Variants in PRKAG2 observed in about 807,000 individuals in gnomAD.
The protein encoded by PRKAG2 is 5'-AMP-activated protein kinase subunit gamma-2.
Under a neutral mutation model 69.6 loss-of-function variants are expected in PRKAG2, and 26 were observed. That is an observed-to-expected ratio of 0.37 (90% CI 0.27 to 0.52). The LOEUF is 0.52. PRKAG2 is among the 20% of genes least tolerant of loss of function. The pLI is 0.90. For synonymous variants in PRKAG2, 293 were observed against 285.0 expected, an observed-to-expected ratio of 1.03 and a Z score of -0.28; for missense variants, 557 against 740.0, an observed-to-expected ratio of 0.75 and a Z score of 2.87.
intron 15 of PRKAG2, chr7:151,559,185 A>G (rs1584904443): frequency 2.0e-6 from 2 of 980,444 alleles, no homozygotes; most frequent in East Asian, 2.3e-4. Context: ...CCCTCTGTTC[A>G]ATGTTGCCTG....
intron 14 of PRKAG2, among the ~76,000 whole-genome samples, chr7:151,562,820 A>AGGTGGGTGTGGT (rs370394516): frequency 0.36 from 53,952 of 150,628 alleles, 10,839 homozygotes; most frequent in African/African-American, 0.54. Context: ...ACAAAAAATT[A>AGGTGGGTGTGGT]GGCGGGCGCC....
At chr7:151,639,440 T>C (rs1031717880) in intron 4 of PRKAG2, among the ~76,000 whole-genome samples, 1 of 152,218 alleles carries the variant, frequency 6.6e-6, no homozygotes, top group African/African-American at 2.4e-5. Context: ...GCATTATTTC[T>C]GGGTGTGTCC....
chr7:151,675,063 G>A (rs934550129), intron 4 of PRKAG2: 3 of 356,590 alleles, frequency 8.4e-6, no homozygotes, highest in African/African-American at 2.1e-5. Flanking sequence ...TTGGGATACA[G>A]GTGCACGCCA....
chr7:151,595,286 T>C (rs749727679), intron 6 of PRKAG2, 59 bp downstream of exon 6: 22 of 1,217,568 alleles, frequency 1.8e-5, no homozygotes, highest in Non-Finnish European at 2.5e-5. Flanking sequence ...TAAATTACTG[T>C]ATAAAGTAGT....
In PRKAG2 at chr7:151,836,617, G is replaced by A. The variant is rs1348672074; in HGVS notation, c.114+39890C>T. ...GTGTGGAGGCTGGGGTAGTCTCTAG[G>A]CTGTCCCAGCTGTGCCTCTGGCCTC... On this transcript the variant is annotated intron_variant, in intron 1 of 15. Coordinates refer to ENST00000287878, the MANE Select transcript of PRKAG2 (RefSeq NM_016203.4). The surrounding 1 kb of genome is among the most constrained non-coding windows in gnomAD (Gnocchi z 4.1). 1.3e-5 allele frequency among the ~76,000 whole-genome samples: 2 copies of A among 152,172 alleles called. No homozygotes were observed. The highest frequency in any genetic ancestry group is 2.9e-5 in the Non-Finnish European group (2 of 68,028).
At chr7:151,782,054 C>T (rs1257640320) in intron 2 of PRKAG2, among the ~76,000 whole-genome samples, 1 of 151,910 alleles carries the variant, frequency 6.6e-6, no homozygotes, top group Non-Finnish European at 1.5e-5. Flanking sequence ...GGTGGATCAA[C>T]TGAGGTCAGG....
intron 3 of PRKAG2, among the ~76,000 whole-genome samples, chr7:151,705,816 T>C (rs66497154): frequency 0.23 from 34,822 of 152,012 alleles, 4,284 homozygotes; most frequent in Non-Finnish European, 0.28. Context: ...TGGCACTTCC[T>C]TGTAGAAATC....
intron 5 of PRKAG2, among the ~76,000 whole-genome samples, chr7:151,605,048 G>C (rs1056476330): frequency 6.6e-6 from 1 of 152,068 alleles, no homozygotes; most frequent in Non-Finnish European, 1.5e-5. Context: ...ACAGGGTCTC[G>C]CTCTGTCACC....
chr7:151,841,131 G>A (rs1250514020), intron 1 of PRKAG2, among the ~76,000 whole-genome samples: 1 of 152,138 alleles, frequency 6.6e-6, no homozygotes, highest in Non-Finnish European at 1.5e-5. Context: ...GGGACTACAG[G>A]TGCCTGCCAC....
chr7:151,820,503 C>CAACTTCACGTCTCCCACAGGGTCAA (rs1563728081), intron 1 of PRKAG2, among the ~76,000 whole-genome samples: 2 of 93,468 alleles, frequency 2.1e-5, no homozygotes. Flanking sequence ...GCTCCGTGGC[C>CAACTTCACGTCTCCCACAGGGTCAA]TGGCCCCTGT....
chr7:151,762,130 C>T (rs58487463), intron 3 of PRKAG2, among the ~76,000 whole-genome samples: 2,403 of 152,272 alleles, frequency 0.016, 71 homozygotes, highest in African/African-American at 0.054. Flanking sequence ...CGCACCTCAG[C>T]GAGGAACAAA....
chr7:151,572,213 T>C (rs888631977), intron 9 of PRKAG2, among the ~76,000 whole-genome samples: 6 of 152,028 alleles, frequency 3.9e-5, no homozygotes, highest in Admixed American at 3.9e-4. Flanking sequence ...GAGGTTCATT[T>C]GTCCTAAGTT....
At chr7:151,824,668 G>A (rs540015437) in intron 1 of PRKAG2, among the ~76,000 whole-genome samples, 1 of 152,286 alleles carries the variant, frequency 6.6e-6, no homozygotes, top group Admixed American at 6.5e-5. Flanking sequence ...CACCCAGACA[G>A]GAACTGCTCC....
intron 2 of PRKAG2, among the ~76,000 whole-genome samples, chr7:151,782,204 A>C (rs2076707805): frequency 1.3e-5 from 2 of 151,578 alleles, no homozygotes; most frequent in Admixed American, 6.6e-5. Flanking sequence ...AATCTCTTGA[A>C]CCCCGAAGGC....
intron 15 of PRKAG2, chr7:151,559,352 G>A: frequency 1.0e-6 from 1 of 985,418 alleles, no homozygotes; most frequent in Non-Finnish European, 1.2e-6. Context: ...AGTTCTTAAT[G>A]TTTCATGATT....
chr7:151,698,190 C>T (rs1395636950), intron 3 of PRKAG2, among the ~76,000 whole-genome samples: 2 of 152,106 alleles, frequency 1.3e-5, no homozygotes, highest in Non-Finnish European at 2.9e-5. Flanking sequence ...GCTTGGGGAA[C>T]TAGGGGTTTG....
intron 2 of PRKAG2, among the ~76,000 whole-genome samples, chr7:151,785,375 C>T (rs1190855508): frequency 1.3e-5 from 2 of 152,212 alleles, no homozygotes; most frequent in Admixed American, 6.5e-5. Flanking sequence ...GGTTGGTGGC[C>T]CCTTCCTGCC....
intron 3 of PRKAG2, among the ~76,000 whole-genome samples, chr7:151,754,201 A>G (rs1397143347): frequency 5.9e-5 from 9 of 152,214 alleles, no homozygotes; most frequent in Admixed American, 2.0e-4. Flanking sequence ...CTCCCAAATA[A>G]TAACAGCCTG....
chr7:151,734,011 T>C (rs1387646391), intron 3 of PRKAG2, among the ~76,000 whole-genome samples: 1 of 152,084 alleles, frequency 6.6e-6, no homozygotes, highest in Non-Finnish European at 1.5e-5. Context: ...CACCTACAAG[T>C]GATCCCCCAA....
Sources: allele counts gnomAD v4.1 joint callset (sites outside exome capture counted in the v4.1 genomes callset), GRCh38; gene constraint gnomAD v4.1.1; non-coding constraint Gnocchi (gnomAD v3.1); transcripts MANE v1.5; gene names NCBI Gene and HGNC (gene_info 2026-07-23, HGNC 2026-07-21).